The following PHF21A variants were observed in gnomAD, a reference collection of about 807,000 sequenced individuals.
The protein encoded by PHF21A is PHD finger protein 21A.
Under a neutral mutation model 82.5 loss-of-function variants are expected in PHF21A, and 11 were observed. The observed-to-expected ratio is 0.13, with a 90% CI of 0.08 to 0.22. The LOEUF is 0.22. PHF21A is among the 10% of genes least tolerant of loss of function. The pLI, the probability that PHF21A is intolerant of heterozygous loss-of-function variation, is 1.00. For missense variants in PHF21A, 579 were observed against 837.8 expected (o/e 0.69, Z 3.81); for synonymous variants, 297 against 302.8 (o/e 0.98, Z 0.20).
At chr11:45,947,897 G>A (rs2091527159) in intron 14 of PHF21A, among the ~76,000 whole-genome samples, 1 of 152,212 alleles carries the variant, frequency 6.6e-6, no homozygotes, top group Non-Finnish European at 1.5e-5. Flanking sequence ...TGAAGGACAG[G>A]ACTGATGAAA....
At chr11:45,949,284 G>T in intron 13 of PHF21A, 118 bp downstream of exon 13, 1 of 838,086 alleles carries the variant, frequency 1.2e-6, no homozygotes, top group Non-Finnish European at 2.0e-6. Flanking sequence ...CCACTTCACA[G>T]AACTGGCCAA....
At chr11:45,938,333 G>GT in intron 15 of PHF21A, 21 bp from the exon 16 acceptor site, 1 of 1,593,638 alleles carries the variant, frequency 6.3e-7, no homozygotes, top group Non-Finnish European at 8.6e-7. Flanking sequence ...GAGAGGAAAG[G>GT]TAAGAAAAAG....
intron 6 of PHF21A, among the ~76,000 whole-genome samples, chr11:46,025,573 T>C (rs2095724748): frequency 6.6e-6 from 1 of 152,156 alleles, no homozygotes; most frequent in Non-Finnish European, 1.5e-5. Context: ...CCTAAGAAAA[T>C]TCCAATTTGA....
intron 1 of PHF21A, among the ~76,000 whole-genome samples, chr11:46,114,751 T>C (rs1423116222): frequency 6.6e-6 from 1 of 152,214 alleles, no homozygotes; most frequent in Non-Finnish European, 1.5e-5. Context: ...TTTGTAAGTA[T>C]GTCGCTTTGG....
chr11:46,063,029 T>C (rs1297427615), intron 6 of PHF21A, among the ~76,000 whole-genome samples: 3 of 152,112 alleles, frequency 2.0e-5, no homozygotes, highest in Non-Finnish European at 1.5e-5. Flanking sequence ...TTTCACACCA[T>C]CAAAAATTAC....
rs1300509174 is a variant in PHF21A at position 46,014,911 on chromosome 11, C to G, written c.154-34945G>C. On this transcript the variant is annotated intron_variant, in intron 6 of 18. Coordinates refer to ENST00000676320, the MANE Select transcript of PHF21A (RefSeq NM_001352027.3). ...AGGAGAATGGCGTGAACCCGGGAGG[C>G]GGAGCTTGCAGTGAGCCGAGATCCC... Among the ~76,000 whole-genome samples, 8 of 87,352 alleles carry G rather than the reference C, an allele frequency of 9.2e-5. 1 individual carries two copies. Among genetic ancestry groups the G allele is most frequent in the Non-Finnish European group, 1.6e-4 (8 of 51,048 alleles). 57.3% of individuals were successfully genotyped at this position (87,352 alleles called of 152,430 possible).
At chr11:45,983,838 A>T (rs1282821489) in intron 6 of PHF21A, among the ~76,000 whole-genome samples, 1 of 152,090 alleles carries the variant, frequency 6.6e-6, no homozygotes, top group Non-Finnish European at 1.5e-5. Context: ...AATATCTCAA[A>T]AACCCTAGCT....
At chr11:45,946,047 A>G in intron 14 of PHF21A, 44 bp from the exon 15 acceptor site, 1 of 1,613,990 alleles carries the variant, frequency 6.2e-7, no homozygotes, top group Non-Finnish European at 8.5e-7. Flanking sequence ...ACGGGGAGGG[A>G]AAGAGAGGGG....
intron 6 of PHF21A, among the ~76,000 whole-genome samples, chr11:46,065,124 T>C (rs1296128976): frequency 6.6e-6 from 1 of 152,186 alleles, no homozygotes; most frequent in Non-Finnish European, 1.5e-5. Context: ...TTCTCTTCCC[T>C]GATAACAAAA....
At chr11:45,936,770 G>A (rs2089166069) in intron 16 of PHF21A, 1 of 545,262 alleles carries the variant, frequency 1.8e-6, no homozygotes. Flanking sequence ...TTCAAGGCAG[G>A]AAGAGCCAGG....
At chr11:46,067,897 C>G (rs574542741) in intron 6 of PHF21A, among the ~76,000 whole-genome samples, 98 of 152,142 alleles carry the variant, frequency 6.4e-4, no homozygotes, top group Middle Eastern at 6.8e-3. Flanking sequence ...CATGAGTACA[C>G]AGAAGAGGAG....
intron 1 of PHF21A, among the ~76,000 whole-genome samples, chr11:46,103,059 A>G (rs2097114860): frequency 6.6e-6 from 1 of 152,146 alleles, no homozygotes; most frequent in Non-Finnish European, 1.5e-5. Flanking sequence ...CAGGAGCACC[A>G]CCGGCTGGAC....
intron 6 of PHF21A, among the ~76,000 whole-genome samples, chr11:46,070,145 T>C (rs1043923423): frequency 1.3e-5 from 2 of 152,216 alleles, no homozygotes; most frequent in Non-Finnish European, 2.9e-5. Context: ...TGTTGTCCTA[T>C]AGATCAGAAA....
chr11:46,033,731 G>A (rs1194253127), intron 6 of PHF21A, among the ~76,000 whole-genome samples: 1 of 152,188 alleles, frequency 6.6e-6, no homozygotes. Context: ...GAGATGTGCT[G>A]CAAGTGTAAA....
At chr11:46,067,685 A>G (rs1391996135) in intron 6 of PHF21A, among the ~76,000 whole-genome samples, 1 of 152,054 alleles carries the variant, frequency 6.6e-6, no homozygotes. Flanking sequence ...TGGCCACCTT[A>G]CCAGCTTTCT....
At chr11:45,952,211 A>G (rs1156611885) in intron 11 of PHF21A, among the ~76,000 whole-genome samples, 1 of 152,232 alleles carries the variant, frequency 6.6e-6, no homozygotes, top group Non-Finnish European at 1.5e-5. Flanking sequence ...GATTCTGTCC[A>G]ACTAGAAGGT....
intron 4 of PHF21A, among the ~76,000 whole-genome samples, chr11:46,081,770 C>T (rs1031896348): frequency 6.6e-6 from 1 of 152,214 alleles, no homozygotes; most frequent in African/African-American, 2.4e-5. Context: ...ATCTGGCCCA[C>T]CACCTGTTTT....
chr11:45,976,274 C>G (rs2094018017), intron 7 of PHF21A, among the ~76,000 whole-genome samples: 1 of 152,198 alleles, frequency 6.6e-6, no homozygotes, highest in Non-Finnish European at 1.5e-5. Context: ...AGATGCAACC[C>G]TCCTTGACAA....
intron 6 of PHF21A, among the ~76,000 whole-genome samples, chr11:46,024,089 G>C (rs2095689457): frequency 6.6e-6 from 1 of 152,344 alleles, no homozygotes; most frequent in East Asian, 1.9e-4. Context: ...TGAAAGCAAG[G>C]AAAGGGCAAG....
Sources: gnomAD v4.1 joint callset for allele counts (sites outside exome capture counted in the v4.1 genomes callset) on GRCh38, gnomAD v4.1.1 for gene constraint, MANE v1.5 for transcripts, NCBI Gene and HGNC (gene_info 2026-07-23, HGNC 2026-07-21) for gene names.